Variants in MERTK observed in about 807,000 individuals in gnomAD.
The protein encoded by MERTK is tyrosine-protein kinase Mer.
A neutral mutation model predicts 99.3 loss-of-function variants in MERTK; 69 were observed. The observed-to-expected ratio is 0.70, with a 90% CI of 0.57 to 0.85. MERTK has a LOEUF of 0.85. MERTK is among the 40% of genes least tolerant of loss of function. The pLI is 0.00. For missense variants in MERTK, 1,125 were observed against 1,249.4 expected, an observed-to-expected ratio of 0.90 and a Z score of 1.50; for synonymous variants, 426 against 467.6, an observed-to-expected ratio of 0.91 and a Z score of 1.15.
intron 2 of MERTK, among the ~76,000 whole-genome samples, chr2:111,942,848 C>G (rs769168222): frequency 5.9e-5 from 9 of 152,212 alleles, no homozygotes; most frequent in Non-Finnish European, 1.2e-4. Flanking sequence ...CTGAGTAGCT[C>G]TGACCCCCCG....
At chr2:112,002,075 A>T (rs1485965888) in intron 11 of MERTK, among the ~76,000 whole-genome samples, 1 of 151,946 alleles carries the variant, frequency 6.6e-6, no homozygotes, top group Non-Finnish European at 1.5e-5. Context: ...AATTATCCAC[A>T]TTTTTTTGAT....
intron 4 of MERTK, among the ~76,000 whole-genome samples, chr2:111,949,421 T>C (rs1685016609): frequency 6.6e-6 from 1 of 152,170 alleles, no homozygotes; most frequent in Non-Finnish European, 1.5e-5. Flanking sequence ...TCTGAATCAC[T>C]TTTCTAACCC....
chr2:111,919,540 C>G (rs1276801289), intron 1 of MERTK, among the ~76,000 whole-genome samples: 1 of 151,956 alleles, frequency 6.6e-6, no homozygotes, highest in Non-Finnish European at 1.5e-5. Flanking sequence ...CTGGAAGGCT[C>G]TTTTCTGGTT....
intron 8 of MERTK, among the ~76,000 whole-genome samples, chr2:111,993,774 A>G (rs1419016865): frequency 1.3e-5 from 2 of 152,188 alleles, no homozygotes; most frequent in African/African-American, 4.8e-5. Context: ...AAAAAGTGTC[A>G]GTGCCCTCTT....
Position 112,003,155 on chromosome 2 carries a change from A to G in MERTK, c.1754A>G (p.Asn585Ser). The change falls in exon 12 of 19, where the codon AAT (asparagine) becomes AGT (serine). Residue 585 changes from asparagine (N) to serine (S), a missense_variant. Transcript: ENST00000295408. ...CTAGAAGATGTTGTGATTGACAGGAATCTTCTAATTCTTGGAAAAATTCTG... is the reference window on the plus strand; with the variant it reads ...CTAGAAGATGTTGTGATTGACAGGAGTCTTCTAATTCTTGGAAAAATTCTG... ...NKLEDVVIDR[N>S]LLILGKILGE... 6.2e-7 allele frequency: 1 copy of G among 1,600,122 alleles called. No homozygotes were observed. The highest frequency in any genetic ancestry group is 8.6e-7 in the Non-Finnish European group (1 of 1,167,646).
intron 1 of MERTK, among the ~76,000 whole-genome samples, chr2:111,901,954 G>A (rs1049011191): frequency 1.3e-5 from 2 of 151,890 alleles, no homozygotes; most frequent in Admixed American, 6.6e-5. Context: ...GCACAATCTC[G>A]GCTCACCGCA....
At chr2:111,989,112 C>T (rs1427370923) in intron 8 of MERTK, among the ~76,000 whole-genome samples, 1 of 152,152 alleles carries the variant, frequency 6.6e-6, no homozygotes, top group East Asian at 1.9e-4. Context: ...CGTTCCCAGG[C>T]GCCCCTGGCT....
intron 1 of MERTK, among the ~76,000 whole-genome samples, chr2:111,921,853 A>G (rs1573572252): frequency 6.6e-6 from 1 of 151,934 alleles, no homozygotes; most frequent in East Asian, 1.9e-4. Flanking sequence ...TCGGCCTCCC[A>G]AAGTGCTGGG....
intron 9 of MERTK, chr2:111,996,312 A>G (rs1211081975): frequency 3.9e-5 from 6 of 154,384 alleles, no homozygotes; most frequent in South Asian, 2.0e-4. Context: ...CAGGCCACCA[A>G]CCATCGTAGA....
chr2:112,027,339 A>G (rs771807745), intron 18 of MERTK, among the ~76,000 whole-genome samples: 3 of 151,732 alleles, frequency 2.0e-5, no homozygotes, highest in Non-Finnish European at 4.4e-5. Context: ...TATGGCATAT[A>G]TATACACACA....
At chr2:112,012,289 G>A (rs1485107530) in intron 15 of MERTK, among the ~76,000 whole-genome samples, 2 of 115,872 alleles carry the variant, frequency 1.7e-5, no homozygotes, top group Admixed American at 1.2e-4. Flanking sequence ...ACACAGAAAT[G>A]TGCATTCACT....
chr2:111,979,529 C>CT (rs921512209), intron 7 of MERTK, among the ~76,000 whole-genome samples: 5 of 150,056 alleles, frequency 3.3e-5, no homozygotes, highest in Admixed American at 6.6e-5. Context: ...GGTCCTTAAA[C>CT]TTTTTTTTTT....
intron 8 of MERTK, among the ~76,000 whole-genome samples, chr2:111,985,889 A>G (rs947246720): frequency 5.3e-5 from 8 of 152,200 alleles, no homozygotes; most frequent in Admixed American, 1.3e-4. Flanking sequence ...CATGGTATCT[A>G]TATGGAGCAT....
rs72180817 is a variant in MERTK, at chr2:111,929,753, A to ATT, written c.482+231_482+232dup. Among the ~76,000 whole-genome samples, 79 of 143,296 alleles carry ATT rather than the reference A, an allele frequency of 5.5e-4. 2 individuals carry two copies. Among genetic ancestry groups the ATT allele is most frequent in the Non-Finnish European group, 4.7e-4 (31 of 65,812 alleles). The allele number at this position is 143,296 out of a possible 152,430, so 94.0% of individuals were successfully genotyped here. ...AGGCGCCCACCACCACACCCAGCTA[A>ATT]TTTTTTTTTTTTTTTTTTTGTATTT... On this transcript the variant is annotated intron_variant, in intron 2 of 18. Transcript: ENST00000295408.
chr2:112,016,895 T>C (rs1343267801), intron 15 of MERTK, among the ~76,000 whole-genome samples: 1 of 151,946 alleles, frequency 6.6e-6, no homozygotes, highest in African/African-American at 2.4e-5. Context: ...GTGTCCGGAG[T>C]TGGTTCCTTC....
intron 9 of MERTK, chr2:111,996,475 G>A (rs1206363367): frequency 6.5e-6 from 1 of 154,426 alleles, no homozygotes; most frequent in East Asian, 1.9e-4. Context: ...AAACCCACAT[G>A]ACATTTTACA....
chr2:111,934,652 T>G (rs1285043171), intron 2 of MERTK, among the ~76,000 whole-genome samples: 2 of 152,236 alleles, frequency 1.3e-5, no homozygotes, highest in Non-Finnish European at 2.9e-5. Flanking sequence ...AGAAATTTTC[T>G]CGCATTCTGT....
chr2:111,982,420 CTGCCCAGGCTGAAGTGCAGT>C (rs1446803283), intron 7 of MERTK, among the ~76,000 whole-genome samples: 1 of 151,828 alleles, frequency 6.6e-6, no homozygotes, highest in Non-Finnish European at 1.5e-5. Context: ...CTTGCTTTTT[CTGCCCAGGCTGAAGTGCAGT>C]GGTATGATCA....
intron 7 of MERTK, among the ~76,000 whole-genome samples, chr2:111,976,039 G>A (rs755073202): frequency 2.6e-5 from 4 of 151,746 alleles, no homozygotes; most frequent in Non-Finnish European, 5.9e-5. Flanking sequence ...TCAGCTTTGT[G>A]TCCAATTAAT....
Sources: gnomAD v4.1 joint callset for allele counts (sites outside exome capture counted in the v4.1 genomes callset) on GRCh38, gnomAD v4.1.1 for gene constraint, MANE v1.5 for transcripts, NCBI Gene and HGNC (gene_info 2026-07-23, HGNC 2026-07-21) for gene names.